CSGALNACT1: variants seen among roughly 807,000 people sequenced by gnomAD.
CSGALNACT1 encodes the protein beta4GalNAcT-1.
In CSGALNACT1, 52 loss-of-function variants were observed where a neutral mutation model predicts 51.0. The observed-to-expected ratio is 1.02, with a 90% CI of 0.82 to 1.29. CSGALNACT1 has a LOEUF of 1.29. CSGALNACT1 is among the 50% of genes most tolerant of loss of function. CSGALNACT1 has a pLI of 0.00. For synonymous variants in CSGALNACT1, 341 were observed against 254.4 expected (o/e 1.34, Z -3.24); for missense variants, 935 against 679.2 (o/e 1.38, Z -4.19).
chr8:19,410,620 G>A (rs190876419), intron 8 of CSGALNACT1, among the ~76,000 whole-genome samples: 94 of 152,328 alleles, frequency 6.2e-4, no homozygotes, highest in African/African-American at 2.2e-3. Flanking sequence ...GAGACTCTGG[G>A]CTGCACTGAT....
chr8:19,424,421 C>T lies in CSGALNACT1; in HGVS notation c.954-3903G>A, dbSNP rs528834675. On this transcript the variant is annotated intron_variant, in intron 6 of 9. Coordinates refer to ENST00000454498, the Ensembl canonical transcript of CSGALNACT1. ...GTGATCTGAAAGAACCCCTCCAACT[C>T]CTCTCTTGCCATCAGGAAGAGCCTC... Among the ~76,000 whole-genome samples the T allele has an allele frequency of 4.6e-5, 7 of 152,282 alleles. No individual in the cohort carries two copies. The South Asian group carries it at 1.5e-3, about 32-fold the overall frequency.
At chr8:19,612,351 A>C (rs1232506007) in intron 1 of CSGALNACT1, among the ~76,000 whole-genome samples, 2 of 152,012 alleles carry the variant, frequency 1.3e-5, no homozygotes, top group Non-Finnish European at 2.9e-5. Context: ...TCAAAAAAAA[A>C]AACTAATTGA....
intron 1 of CSGALNACT1, among the ~76,000 whole-genome samples, chr8:19,705,398 G>T (rs1471808523): frequency 6.6e-6 from 1 of 152,092 alleles, no homozygotes; most frequent in African/African-American, 2.4e-5. Context: ...ACATGTTTTT[G>T]AATAATATTT....
At chr8:19,516,097 C>T (rs1196337769) in intron 3 of CSGALNACT1, among the ~76,000 whole-genome samples, 2 of 152,160 alleles carry the variant, frequency 1.3e-5, no homozygotes, top group Non-Finnish European at 2.9e-5. Flanking sequence ...CGCATGAAAC[C>T]AGCCTTCCAA....
intron 4 of CSGALNACT1, among the ~76,000 whole-genome samples, chr8:19,491,736 T>C (rs568272029): frequency 5.3e-5 from 8 of 152,350 alleles, no homozygotes; most frequent in Admixed American, 5.2e-4. Flanking sequence ...CAAAGCAAGG[T>C]CTTTTCACAT....
At chr8:19,489,378 A>G (rs2073850939) in intron 4 of CSGALNACT1, among the ~76,000 whole-genome samples, 1 of 152,136 alleles carries the variant, frequency 6.6e-6, no homozygotes. Context: ...TCTCTCTCTC[A>G]AAGGAAAAAA....
intron 3 of CSGALNACT1, among the ~76,000 whole-genome samples, chr8:19,521,932 T>A (rs2080809473): frequency 6.6e-6 from 1 of 152,204 alleles, no homozygotes; most frequent in African/African-American, 2.4e-5. Context: ...ACTTCATGTG[T>A]CCATTTGTTC....
At chr8:19,405,894 C>T in exon 10 of CSGALNACT1, 3 of 1,614,192 alleles carry the variant, frequency 1.9e-6, no homozygotes, top group Non-Finnish European at 2.5e-6. Context: ...TGGCCTTGGA[C>T]TGCATGCACA....
exon 10 of CSGALNACT1, chr8:19,405,337 C>A: frequency 4.4e-6 from 2 of 454,970 alleles, no homozygotes; most frequent in Non-Finnish European, 8.8e-6. Context: ...CTCCTGCCTT[C>A]TGATATTTTA....
At chr8:19,671,326 T>C (rs1443941911) in intron 1 of CSGALNACT1, among the ~76,000 whole-genome samples, 1 of 152,154 alleles carries the variant, frequency 6.6e-6, no homozygotes, top group Non-Finnish European at 1.5e-5. Context: ...ATTCAGCCAT[T>C]CCCTATGGAT....
chr8:19,543,385 G>A (rs904094207), intron 3 of CSGALNACT1, among the ~76,000 whole-genome samples: 7 of 152,172 alleles, frequency 4.6e-5, no homozygotes, highest in Non-Finnish European at 5.9e-5. Context: ...GACAATGTCT[G>A]GGAACGGGGC....
At chr8:19,443,706 T>C (rs937826217) in intron 5 of CSGALNACT1, among the ~76,000 whole-genome samples, 1 of 152,202 alleles carries the variant, frequency 6.6e-6, no homozygotes, top group South Asian at 2.1e-4. Flanking sequence ...AGATTACAAT[T>C]CAAGCTGAGA....
intron 5 of CSGALNACT1, among the ~76,000 whole-genome samples, chr8:19,444,709 A>T (rs1382479740): frequency 6.6e-6 from 1 of 152,232 alleles, no homozygotes. Flanking sequence ...TTGCTGGGAT[A>T]AATCCACAGC....
chr8:19,446,944 T>C (rs1392112488), intron 5 of CSGALNACT1, among the ~76,000 whole-genome samples: 1 of 152,162 alleles, frequency 6.6e-6, no homozygotes, highest in East Asian at 1.9e-4. Flanking sequence ...CAAGAGAGTA[T>C]GGAGAGTACA....
At chr8:19,595,078 T>G (rs890808252) in intron 2 of CSGALNACT1, among the ~76,000 whole-genome samples, 14 of 152,202 alleles carry the variant, frequency 9.2e-5, no homozygotes, top group African/African-American at 3.1e-4. Context: ...ATTCCTTTCC[T>G]GCTTAAGTAA....
chr8:19,698,200 A>G (rs556194176), intron 1 of CSGALNACT1, among the ~76,000 whole-genome samples: 5 of 152,262 alleles, frequency 3.3e-5, no homozygotes, highest in African/African-American at 1.2e-4. Context: ...AAATTTGTCC[A>G]AGGTCCCTCA....
At chr8:19,747,515 A>G (rs1352616611) in intron 1 of CSGALNACT1, among the ~76,000 whole-genome samples, 1 of 152,206 alleles carries the variant, frequency 6.6e-6, no homozygotes, top group East Asian at 1.9e-4. Context: ...TTAAGTGAAT[A>G]ATATGTTCTC....
chr8:19,590,591 G>A (rs902712302), intron 3 of CSGALNACT1, among the ~76,000 whole-genome samples: 2 of 148,420 alleles, frequency 1.3e-5, no homozygotes, highest in African/African-American at 5.0e-5. Flanking sequence ...TTCTCAAACA[G>A]CTTCTAAGTC....
chr8:19,557,183 C>G (rs2039653583), intron 3 of CSGALNACT1, among the ~76,000 whole-genome samples: 1 of 152,154 alleles, frequency 6.6e-6, no homozygotes, highest in Non-Finnish European at 1.5e-5. Flanking sequence ...ATCAGGAAAC[C>G]ACTGAGCTGT....
Sources: gnomAD v4.1 joint callset for allele counts (sites outside exome capture counted in the v4.1 genomes callset) on GRCh38, gnomAD v4.1.1 for gene constraint, MANE v1.5 for transcripts, NCBI Gene and HGNC (gene_info 2026-07-23, HGNC 2026-07-21) for gene names.